The following WIF1 variants were observed in gnomAD, a reference collection of about 807,000 sequenced individuals.
The protein encoded by WIF1 is Wnt inhibitory factor 1.
In WIF1, 35 loss-of-function variants were observed where a neutral mutation model predicts 53.5. That is an observed-to-expected ratio of 0.65 (90% CI 0.50 to 0.87). The LOEUF (loss-of-function observed/expected upper bound fraction) is 0.87. Ranked by LOEUF, WIF1 falls within the 40% of genes least tolerant of loss-of-function variation. The pLI, the probability that WIF1 is intolerant of heterozygous loss-of-function variation, is 0.00. For synonymous variants in WIF1, 171 were observed against 170.4 expected, an observed-to-expected ratio of 1.00 and a Z score of -0.03; for missense variants, 467 against 476.8, an observed-to-expected ratio of 0.98 and a Z score of 0.19.
chr12:65,099,468 T>C (rs1264505467), intron 2 of WIF1, among the ~76,000 whole-genome samples: 1 of 152,178 alleles, frequency 6.6e-6, no homozygotes, highest in African/African-American at 2.4e-5. Context: ...CTATAAACAA[T>C]AATTTGTGTA....
At chr12:65,063,672 T>C (rs1882646159) in intron 6 of WIF1, among the ~76,000 whole-genome samples, 1 of 151,758 alleles carries the variant, frequency 6.6e-6, no homozygotes, top group African/African-American at 2.4e-5. Context: ...AAGGAAGTGC[T>C]GTACTCACTT....
chr12:65,092,494 G>GTA (rs1883140799), intron 2 of WIF1, among the ~76,000 whole-genome samples: 1 of 42,532 alleles, frequency 2.4e-5, no homozygotes, highest in Non-Finnish European at 4.6e-5. Context: ...ATATATGTGT[G>GTA]TATATATATG....
chr12:65,092,141 T>G (rs1458007002), intron 2 of WIF1, among the ~76,000 whole-genome samples: 1 of 152,078 alleles, frequency 6.6e-6, no homozygotes, highest in African/African-American at 2.4e-5. Context: ...TGCAGGGACA[T>G]GGATGAAGTT....
intron 2 of WIF1, among the ~76,000 whole-genome samples, chr12:65,093,953 C>T (rs965993820): frequency 3.3e-5 from 5 of 152,140 alleles, no homozygotes; most frequent in Non-Finnish European, 7.4e-5. Flanking sequence ...AAAGTATAAT[C>T]AATAACTTAC....
chr12:65,097,444 T>A (rs1400093032), intron 2 of WIF1, among the ~76,000 whole-genome samples: 4 of 152,160 alleles, frequency 2.6e-5, no homozygotes, highest in African/African-American at 9.6e-5. Context: ...AACAATAGAT[T>A]TAAGAGTCAC....
At chr12:65,120,319 A>C in intron 2 of WIF1, 98 bp downstream of exon 2, 2 of 1,273,014 alleles carry the variant, frequency 1.6e-6, no homozygotes. Flanking sequence ...AATTTCTCTT[A>C]ATAACTGTAA....
intron 2 of WIF1, among the ~76,000 whole-genome samples, chr12:65,114,541 ATTG>A (rs1173849860): frequency 6.6e-6 from 1 of 152,138 alleles, no homozygotes; most frequent in Non-Finnish European, 1.5e-5. Flanking sequence ...TTTTTAAATT[ATTG>A]TTGTTGTTAC....
At chr12:65,097,064 G>A (rs904204255) in intron 2 of WIF1, among the ~76,000 whole-genome samples, 18 of 150,034 alleles carry the variant, frequency 1.2e-4, no homozygotes, top group African/African-American at 4.2e-4. Context: ...AAAACTCGAT[G>A]TATCCAAATC....
chr12:65,103,838 C>T (rs554497581), intron 2 of WIF1, among the ~76,000 whole-genome samples: 4 of 152,262 alleles, frequency 2.6e-5, no homozygotes, highest in Admixed American at 1.3e-4. Flanking sequence ...TAACTTCTCA[C>T]GTGTTTAATG....
At chr12:65,078,383 AT>A (rs1701350555) in intron 2 of WIF1, among the ~76,000 whole-genome samples, 1 of 151,952 alleles carries the variant, frequency 6.6e-6, no homozygotes, top group South Asian at 2.1e-4. Context: ...CTGCCCAGTA[AT>A]TTTTTAACTT....
Position 65,051,473 on chromosome 12 carries a change from G to A in WIF1, c.1019-3C>T. 6.3e-7 allele frequency: 1 copy of A among 1,579,966 alleles called. No homozygotes were observed. Among genetic ancestry groups the A allele is most frequent in the South Asian group, 1.2e-5 (1 of 85,494 alleles). ...ATGTATGAGGCTGGCTTCGTACCCT[G>A]CAAAATTATTCACAGCTTAAAAGGA... On this transcript the variant is annotated splice_polypyrimidine_tract_variant and splice_region_variant and intron_variant, in intron 9 of 9. Transcript: ENST00000286574.
At chr12:65,076,065 T>C (rs1339399466) in intron 3 of WIF1, among the ~76,000 whole-genome samples, 1 of 152,216 alleles carries the variant, frequency 6.6e-6, no homozygotes, top group Non-Finnish European at 1.5e-5. Flanking sequence ...CTTTTTTCTT[T>C]TTTGCTCTGT....
At position 65,051,409 on chromosome 12, in the gene WIF1, C is replaced by T. The variant is rs148339341; in HGVS notation, c.1080G>A (p.Thr360=). The change falls in exon 10 of 10, where the codon ACG becomes ACA. Residue 360 remains threonine (T), a synonymous_variant. Transcript: ENST00000286574. ...GCTCCTCGGCCTTTTTAAGTGAAGGCGTGTGCTGCCTGAGCTGGGCGCCTG... is the reference window on the plus strand; with the variant it reads ...GCTCCTCGGCCTTTTTAAGTGAAGGTGTGTGCTGCCTGAGCTGGGCGCCTG... ...RPAGAQLRQH[T]PSLKKAEERR... 4.9e-4 allele frequency: 783 copies of T among 1,613,674 alleles called. 3 individuals are homozygous for T. Among genetic ancestry groups the T allele is most frequent in the East Asian group, 2.2e-3 (100 of 44,842 alleles).
intron 2 of WIF1, among the ~76,000 whole-genome samples, chr12:65,117,914 C>T (rs1296506890): frequency 6.6e-6 from 1 of 152,190 alleles, no homozygotes; most frequent in Non-Finnish European, 1.5e-5. Flanking sequence ...GCTTCAGTCA[C>T]TGGCCTGCCA....
At chr12:65,098,716 C>T (rs1445767700) in intron 2 of WIF1, among the ~76,000 whole-genome samples, 1 of 152,066 alleles carries the variant, frequency 6.6e-6, no homozygotes, top group East Asian at 1.9e-4. Flanking sequence ...CCCCATACTC[C>T]ATTCTAGAGA....
intron 2 of WIF1, among the ~76,000 whole-genome samples, chr12:65,084,633 C>G (rs963511625): frequency 6.6e-6 from 1 of 152,082 alleles, no homozygotes; most frequent in Non-Finnish European, 1.5e-5. Context: ...CATATTTTTT[C>G]CAATGGTCTA....
intron 3 of WIF1, among the ~76,000 whole-genome samples, chr12:65,073,894 A>G (rs1231888687): frequency 6.6e-6 from 1 of 152,002 alleles, no homozygotes; most frequent in Non-Finnish European, 1.5e-5. Flanking sequence ...GGGGTGAGGG[A>G]GTTGTATATG....
chr12:65,079,612 TGA>T (rs1882917452), intron 2 of WIF1, among the ~76,000 whole-genome samples: 1 of 138,910 alleles, frequency 7.2e-6, no homozygotes, highest in Non-Finnish European at 1.5e-5. Context: ...GGTGACAGAG[TGA>T]GACTCTGTCT....
At chr12:65,066,819 C>T (rs1040821447) in intron 5 of WIF1, 83 bp from the exon 6 acceptor site, 11 of 917,488 alleles carry the variant, frequency 1.2e-5, no homozygotes, top group Non-Finnish European at 1.7e-5. Context: ...TACAACAGGT[C>T]TACATTTTCA....
Sources: allele counts gnomAD v4.1 joint callset (sites outside exome capture counted in the v4.1 genomes callset), GRCh38; gene constraint gnomAD v4.1.1; transcripts MANE v1.5; gene names NCBI Gene and HGNC (gene_info 2026-07-23, HGNC 2026-07-21).